Variants in CDH18 observed in about 807,000 individuals in gnomAD.
CDH18 encodes cadherin 18.
CDH18 carries 31 observed loss-of-function variants against 67.9 expected under a neutral mutation model. The observed-to-expected ratio is 0.46, with a 90% confidence interval of 0.34 to 0.62. The LOEUF is 0.62. Ranked by LOEUF, CDH18 falls within the 20% of genes least tolerant of loss-of-function variation. The pLI, the probability that CDH18 is intolerant of heterozygous loss-of-function variation, is 0.01. For missense variants in CDH18, 890 were observed against 975.5 expected, an observed-to-expected ratio of 0.91 and a Z score of 1.17; for synonymous variants, 362 against 347.2, an observed-to-expected ratio of 1.04 and a Z score of -0.48.
chr5:20,529,111 A>T (rs911331914), intron 1 of CDH18, among the ~76,000 whole-genome samples: 1 of 152,092 alleles, frequency 6.6e-6, no homozygotes, highest in Non-Finnish European at 1.5e-5. Flanking sequence ...GAATACAATA[A>T]ACACCTCTAT....
intron 2 of CDH18, among the ~76,000 whole-genome samples, chr5:20,029,457 T>C (rs1739196452): frequency 6.6e-6 from 1 of 152,200 alleles, no homozygotes; most frequent in South Asian, 2.1e-4. Context: ...TTGGCCGTTC[T>C]CCCAGAAAAA....
At chr5:19,522,079 C>T (rs1746986520) in intron 9 of CDH18, among the ~76,000 whole-genome samples, 1 of 151,026 alleles carries the variant, frequency 6.6e-6, no homozygotes, top group African/African-American at 2.4e-5. Context: ...TTTAGCTCAA[C>T]AAAAAAAGAC....
chr5:19,486,297 T>C (rs900410307), intron 11 of CDH18, among the ~76,000 whole-genome samples: 12 of 150,552 alleles, frequency 8.0e-5, no homozygotes, highest in African/African-American at 1.9e-4. Flanking sequence ...ATATATTATA[T>C]AGATATGTAT....
rs75419474 is a variant in CDH18, at chr5:20,456,925, C to T, written c.-580+118537G>A. Reference sequence around the variant, plus strand: ...TGAGTTTCCAAGAATGTCGGGTTGACATTTACGAAGTTGATTTGTCTTGAC... The same window carrying T: ...TGAGTTTCCAAGAATGTCGGGTTGATATTTACGAAGTTGATTTGTCTTGAC... On this transcript the variant is annotated intron_variant, in intron 1 of 14. Transcript: ENST00000507958. 4.5e-4 allele frequency among the ~76,000 whole-genome samples: 68 copies of T among 152,248 alleles called. No homozygotes were observed. In the East Asian group the frequency reaches 0.012, roughly 27 times the overall value.
intron 2 of CDH18, among the ~76,000 whole-genome samples, chr5:20,138,239 A>AAGC (rs1208200445): frequency 3.9e-5 from 6 of 152,190 alleles, no homozygotes; most frequent in Non-Finnish European, 7.3e-5. Flanking sequence ...ATAGATGAAG[A>AAGC]AAAGGCCTTT....
At position 20,305,563 on chromosome 5, in the gene CDH18, G is replaced by C. The variant is rs568645081; in HGVS notation, c.-579-50058C>G. 156 of 655,934 alleles carry C rather than the reference G, an allele frequency of 2.4e-4. 3 individuals carry two copies. In the South Asian group the frequency reaches 2.4e-3, roughly 10 times the overall value. The allele number at this position is 655,934 out of a possible 1,614,324, so 40.6% of individuals were successfully genotyped here. A position where few individuals can be genotyped will look rare whatever the true frequency, so the allele number is the denominator to read the frequency against. On this transcript the variant is annotated intron_variant, in intron 1 of 14. Coordinates refer to the CDH18 transcript ENST00000507958. ...GGCTGGTGGTCGCGGGGCTGAGGGCGCTCGGCCGCTTCCGGTCCTGCGCTG... is the reference window on the plus strand; with the variant it reads ...GGCTGGTGGTCGCGGGGCTGAGGGCCCTCGGCCGCTTCCGGTCCTGCGCTG...
At chr5:19,838,715 A>G (rs1325329262) in intron 3 of CDH18, 44 bp downstream of exon 3, 2 of 1,362,558 alleles carry the variant, frequency 1.5e-6, no homozygotes, top group Non-Finnish European at 2.1e-6. Context: ...CTTACCCCAC[A>G]ATTTCTCAGG....
At chr5:20,046,890 A>G (rs1347961433) in intron 2 of CDH18, among the ~76,000 whole-genome samples, 65 of 151,996 alleles carry the variant, frequency 4.3e-4, no homozygotes, top group Admixed American at 4.2e-3. Flanking sequence ...AATTAGAAAC[A>G]TCTCTTTCAA....
intron 12 of CDH18, among the ~76,000 whole-genome samples, chr5:19,477,714 T>C (rs1738723425): frequency 6.6e-6 from 1 of 152,132 alleles, no homozygotes; most frequent in Non-Finnish European, 1.5e-5. Context: ...CAAATGACCC[T>C]GATAACCTAT....
At chr5:20,324,823 G>A (rs951093774) in intron 1 of CDH18, among the ~76,000 whole-genome samples, 3 of 152,156 alleles carry the variant, frequency 2.0e-5, no homozygotes, top group African/African-American at 7.2e-5. Flanking sequence ...AGGCAACTTA[G>A]TATCTATTTA....
At chr5:19,710,329 T>C (rs1448129024) in intron 5 of CDH18, among the ~76,000 whole-genome samples, 2 of 152,180 alleles carry the variant, frequency 1.3e-5, no homozygotes, top group Non-Finnish European at 2.9e-5. Context: ...TTTATTTCTA[T>C]ATAAACAAAT....
chr5:19,848,933 A>G lies in CDH18; in HGVS notation c.-256-9691T>C, dbSNP rs967475821. On this transcript the variant is annotated intron_variant, in intron 2 of 12. Transcript: ENST00000382275. ...ACATTTTATATGGGCTATATTATAT[A>G]TATGTGTATATATACACACACACAC... Among the ~76,000 whole-genome samples the G allele has an allele frequency of 2.0e-5, 3 of 150,318 alleles. No individual in the cohort carries two copies. The South Asian group carries it at 6.3e-4, about 31-fold the overall frequency.
At chr5:20,151,380 A>C (rs1454146820) in intron 2 of CDH18, among the ~76,000 whole-genome samples, 4 of 152,124 alleles carry the variant, frequency 2.6e-5, no homozygotes, top group Non-Finnish European at 5.9e-5. Flanking sequence ...TTCTGTATCC[A>C]ATTTGCCATT....
intron 5 of CDH18, among the ~76,000 whole-genome samples, chr5:19,634,117 T>C (rs1359916115): frequency 2.0e-5 from 3 of 152,236 alleles, no homozygotes; most frequent in African/African-American, 7.2e-5. Context: ...TGGTGGCATG[T>C]AGAAATTGAA....
At chr5:19,608,591 T>C (rs76484884) in intron 6 of CDH18, among the ~76,000 whole-genome samples, 151 of 151,812 alleles carry the variant, frequency 9.9e-4, no homozygotes, top group South Asian at 3.7e-3. Flanking sequence ...AGTTAAACAA[T>C]TGTGATGTTT....
rs77900051 is a variant in CDH18, at chr5:20,083,620, T to C, written c.-517-91606A>G. 5.2e-3 allele frequency among the ~76,000 whole-genome samples: 789 copies of C among 152,244 alleles called. 8 individuals are homozygous for C. Among genetic ancestry groups the C allele is most frequent in the African/African-American group, 0.018 (733 of 41,548 alleles). Reference sequence around the variant, plus strand: ...ATGCCACAATATTAAAATTAGTCTGTTTTCACACTGCTGATAAAGACATGC... The same window carrying C: ...ATGCCACAATATTAAAATTAGTCTGCTTTCACACTGCTGATAAAGACATGC... On this transcript the variant is annotated intron_variant, in intron 2 of 14. Transcript: ENST00000507958.
intron 2 of CDH18, among the ~76,000 whole-genome samples, chr5:20,129,079 A>G (rs1408875406): frequency 6.6e-6 from 1 of 152,074 alleles, no homozygotes; most frequent in Non-Finnish European, 1.5e-5. Flanking sequence ...AACAGTTCCT[A>G]TAAGTAGCTT....
At chr5:19,811,084 AAG>A (rs1778605401) in intron 3 of CDH18, among the ~76,000 whole-genome samples, 1 of 19,452 alleles carries the variant, frequency 5.1e-5, no homozygotes, top group Non-Finnish European at 9.7e-5. Context: ...GAGAAAAAGA[AAG>A]AAAGAAAGAA....
Position 19,700,419 on chromosome 5 carries a change from C to G in CDH18, c.643+20928G>C, listed in dbSNP as rs115724348. The stretch of plus-strand genomic sequence containing the variant: ...TGAAACATAGTTGTGTAGCGCATGA[C>G]TGTGTGTGTATATGCCTGTGTGTCT... On this transcript the variant is annotated intron_variant, in intron 5 of 12. Transcript: ENST00000382275. Among the ~76,000 whole-genome samples, 774 of 152,196 alleles carry G rather than the reference C, an allele frequency of 5.1e-3. 5 individuals are homozygous for G. The highest frequency in any genetic ancestry group is 0.018 in the African/African-American group (740 of 41,526).
Sources: allele counts gnomAD v4.1 joint callset (sites outside exome capture counted in the v4.1 genomes callset), GRCh38; gene constraint gnomAD v4.1.1; transcripts MANE v1.5; gene names NCBI Gene and HGNC (gene_info 2026-07-23, HGNC 2026-07-21).